Variants in GTF3C3 observed in about 807,000 individuals in gnomAD.
GTF3C3 encodes the protein general transcription factor 3C polypeptide 3.
A neutral mutation model predicts 105.2 loss-of-function variants in GTF3C3; 75 were observed. The observed-to-expected ratio is 0.71, with a 90% CI of 0.59 to 0.86. The LOEUF (loss-of-function observed/expected upper bound fraction) is 0.86. GTF3C3 is among the 40% of genes least tolerant of loss of function. The pLI is 0.00. For missense variants in GTF3C3, 856 were observed against 1,076.5 expected, an observed-to-expected ratio of 0.80 and a Z score of 2.87; for synonymous variants, 335 against 370.4, an observed-to-expected ratio of 0.90 and a Z score of 1.10.
chr2:196,775,587 C>T (rs1699247087), intron 12 of GTF3C3, among the ~76,000 whole-genome samples: 1 of 152,072 alleles, frequency 6.6e-6, no homozygotes, highest in Non-Finnish European at 1.5e-5. Context: ...CATTCCTCAC[C>T]TCAGAAAGAA....
Position 196,792,906 on chromosome 2 carries a change from T to C in GTF3C3, c.411+50A>G, listed in dbSNP as rs1269411876. ...GGTATAACTTACAGACTTCAATTAC[T>C]ATGTCACTTTCTTCATTGTTTATAA... On this transcript the variant is annotated intron_variant, in intron 3 of 17. Coordinates refer to ENST00000263956, the MANE Select transcript of GTF3C3 (RefSeq NM_012086.5). 9.7e-6 allele frequency: 12 copies of C among 1,238,712 alleles called. No homozygotes were observed. In the Admixed American group the frequency reaches 1.8e-4, roughly 19 times the overall value. 76.7% of individuals were successfully genotyped at this position (1,238,712 alleles called of 1,614,324 possible). A position where few individuals can be genotyped will look rare whatever the true frequency, so the allele number is the denominator to read the frequency against.
intron 10 of GTF3C3, 110 bp downstream of exon 10, chr2:196,778,786 T>G: frequency 1.0e-6 from 1 of 962,200 alleles, no homozygotes; most frequent in South Asian, 1.4e-5. Context: ...TTCAAAAAAC[T>G]CCCCTGAAAC....
intron 8 of GTF3C3, among the ~76,000 whole-genome samples, chr2:196,783,007 C>T (rs914374749): frequency 2.0e-5 from 3 of 152,162 alleles, no homozygotes; most frequent in African/African-American, 7.2e-5. Flanking sequence ...AAAAATGTGA[C>T]TGTCAATAGA....
chr2:196,799,541 C>T lies in GTF3C3; in HGVS notation c.71G>A (p.Arg24Gln), dbSNP rs1241275045. ...CTCGCGGGTTTTTCTCTCTTCTCTC[C>T]GCCGTTCGAACTCCTCAAAGGAGAT... Reference protein sequence around the residue: ...GKISFEEFERRREERKTREKK... With the variant: ...GKISFEEFERQREERKTREKK... The change falls in exon 1 of 18, where the codon CGG becomes CAG. Residue 24 changes from arginine (R) to glutamine (Q), a missense_variant. Physicochemically the swap from Arg to Gln is conservative, Grantham distance 43. This residue lies in a region of GTF3C3 where 117 missense variants were observed against 114.0 expected (regional missense o/e 1.03). Transcript: ENST00000263956. 3 of 1,613,990 alleles carry T rather than the reference C, an allele frequency of 1.9e-6. No individual in the cohort carries two copies. The highest frequency in any genetic ancestry group is 2.5e-6 in the Non-Finnish European group (3 of 1,179,976).
intron 13 of GTF3C3, among the ~76,000 whole-genome samples, chr2:196,773,958 G>A (rs192080870): frequency 6.6e-5 from 10 of 152,320 alleles, no homozygotes; most frequent in Admixed American, 2.6e-4. Flanking sequence ...GGCTGGTACC[G>A]GGGTTGGGGA....
rs1699239237 is a variant in GTF3C3, at chr2:196,775,099, G to A, written c.1831+17C>T. 6.2e-7 allele frequency: 1 copy of A among 1,604,162 alleles called. No homozygotes were observed. The highest frequency in any genetic ancestry group is 2.2e-5 in the East Asian group (1 of 44,604). On this transcript the variant is annotated intron_variant, in intron 13 of 17. Transcript: ENST00000263956. ...TCAGCCAAATTTTATATAACATAAT[G>A]CAAATGAAGTTATTACCTTTTGCAT...
At chr2:196,774,343 T>C (rs1699226530) in intron 13 of GTF3C3, among the ~76,000 whole-genome samples, 1 of 152,130 alleles carries the variant, frequency 6.6e-6, no homozygotes, top group East Asian at 1.9e-4. Context: ...TCCAATGGAA[T>C]ACTACACATT....
At chr2:196,789,087 C>T (rs768716329) in intron 6 of GTF3C3, 117 bp downstream of exon 6, 28 of 851,138 alleles carry the variant, frequency 3.3e-5, no homozygotes, top group Admixed American at 2.0e-4. Context: ...CAATAAAACA[C>T]ATAAGGCAAA....
rs1349470640 is a variant in GTF3C3, at chr2:196,776,117, CAAAT to C, written c.1594-10_1594-7del. ...TGAAGCAATAACTTCAGTTCCTAAA[CAAAT>C]AAGCACATGATGATGAGCCTAACAA... On this transcript the variant is annotated splice_polypyrimidine_tract_variant and splice_region_variant and intron_variant, in intron 11 of 17. Transcript: ENST00000263956. This position sits in a 1 kb window ranked among gnomAD's most constrained non-coding sequence, Gnocchi z 4.5. 2.8e-6 allele frequency: 4 copies of C among 1,407,420 alleles called. No individual in the cohort carries two copies. The highest frequency in any genetic ancestry group is 1.2e-5 in the South Asian group (1 of 80,484). The allele number at this position is 1,407,420 out of a possible 1,614,324, so 87.2% of individuals were successfully genotyped here. A position where few individuals can be genotyped will look rare whatever the true frequency, so the allele number is the denominator to read the frequency against.
At chr2:196,764,798 C>A in intron 17 of GTF3C3, 113 bp from the exon 18 acceptor site, 1 of 848,144 alleles carries the variant, frequency 1.2e-6, no homozygotes, top group Non-Finnish European at 1.8e-6. Flanking sequence ...GGTATTAAAG[C>A]TCATGTACTA....
intron 9 of GTF3C3, among the ~76,000 whole-genome samples, chr2:196,779,373 C>A (rs1699308605): frequency 6.6e-6 from 1 of 152,060 alleles, no homozygotes; most frequent in South Asian, 2.1e-4. Context: ...AGTGATCTAC[C>A]CTCCTCGGCC....
intron 1 of GTF3C3, chr2:196,799,137 A>G (rs578064090): frequency 5.4e-6 from 1 of 186,138 alleles, no homozygotes; most frequent in Admixed American, 5.7e-5. Flanking sequence ...AAAGAAGAGA[A>G]GTGAGCTGTC....
chr2:196,766,621 G>C lies in GTF3C3; in HGVS notation c.2482C>G (p.His828Asp). The C allele has an allele frequency of 6.2e-7, 1 of 1,612,866 alleles. No homozygotes were observed. Among genetic ancestry groups the C allele is most frequent in the Non-Finnish European group, 8.5e-7 (1 of 1,179,054 alleles). ...GRGLHQLGLI[H>D]LAIHYYQKAL... ...TTCTGATAATAGTGGATTGCAAGATGAATCAGCCCCAACTGATGAAGGCCA... is the reference window on the plus strand; with the variant it reads ...TTCTGATAATAGTGGATTGCAAGATCAATCAGCCCCAACTGATGAAGGCCA... Residue 828 changes from histidine (H) to aspartate (D), a missense_variant, in exon 17 of 18, where the codon CAT (histidine) becomes GAT (aspartate). This residue lies in a region of GTF3C3 where 134 missense variants were observed against 128.9 expected (regional missense o/e 1.04). Transcript: ENST00000263956.
At chr2:196,781,351 A>ATATATATAT (rs1417892028) in intron 8 of GTF3C3, among the ~76,000 whole-genome samples, 24 of 20,526 alleles carry the variant, frequency 1.2e-3, no homozygotes, top group Middle Eastern at 0.038. Flanking sequence ...GGAAAAAAAA[A>ATATATATAT]AAAAAAATAT....
chr2:196,764,484 T>G lies in GTF3C3; in HGVS notation c.*79A>C. On this transcript the variant is annotated 3_prime_UTR_variant, in exon 18 of 18. Coordinates refer to ENST00000263956, the MANE Select transcript of GTF3C3 (RefSeq NM_012086.5). ...GAAATTGTCATTTCTATTTTGGAGT[T>G]ACAAATAATAAGCCCTGAGACAGAA... The G allele has an allele frequency of 7.8e-7, 1 of 1,279,298 alleles. No individual in the cohort carries two copies. The highest frequency in any genetic ancestry group is 2.0e-5 in the South Asian group (1 of 51,250). 79.2% of individuals were successfully genotyped at this position (1,279,298 alleles called of 1,614,324 possible).
At chr2:196,766,836 G>T in intron 16 of GTF3C3, 119 bp from the exon 17 acceptor site, 1 of 689,146 alleles carries the variant, frequency 1.5e-6, no homozygotes, top group Non-Finnish European at 2.4e-6. Flanking sequence ...TATCTGCTTA[G>T]TGTCCTATTA....
chr2:196,778,740 C>A (rs1045302514), intron 10 of GTF3C3, 156 bp downstream of exon 10: 17 of 650,856 alleles, frequency 2.6e-5, no homozygotes, highest in African/African-American at 1.1e-4. Flanking sequence ...GGGGAAATCA[C>A]TTAGTAGCCT....
In GTF3C3 at chr2:196,790,067, G is replaced by A; in HGVS notation, c.539C>T (p.Pro180Leu). 1 of 1,596,272 alleles carries A rather than the reference G, an allele frequency of 6.3e-7. No homozygotes were observed. Among genetic ancestry groups the A allele is most frequent in the Non-Finnish European group, 8.5e-7 (1 of 1,172,556 alleles). ...AGTAGAGAATGGCTCATAAGCCAGA[G>A]GAGCTATAACAAATTAAAAAAATAA... Reference protein sequence around the residue: ...LMCMEIIRQAPLAYEPFSTLA... With the variant: ...LMCMEIIRQALLAYEPFSTLA... The change falls in exon 5 of 18, where the codon CCT becomes CTT. Residue 180 changes from proline to leucine, a missense_variant. Pro to Leu is a moderately conservative substitution (Grantham distance 98). Around this residue, in one of 3 missense-constraint regions of GTF3C3, gnomAD observed 605 missense variants for 833.6 expected, o/e 0.73. Transcript: ENST00000263956.
intron 15 of GTF3C3, 79 bp downstream of exon 15, chr2:196,771,669 C>A: frequency 1.1e-6 from 1 of 939,848 alleles, no homozygotes; most frequent in Non-Finnish European, 1.7e-6. Context: ...TGATAATTAA[C>A]CCAGACAGTT....
Sources: allele counts gnomAD v4.1 joint callset (sites outside exome capture counted in the v4.1 genomes callset), GRCh38; gene constraint gnomAD v4.1.1; regional missense constraint gnomAD v4.1.1; non-coding constraint Gnocchi (gnomAD v3.1); transcripts MANE v1.5; gene names NCBI Gene and HGNC (gene_info 2026-07-23, HGNC 2026-07-21).